The following ARHGAP18 variants were observed in gnomAD, a reference collection of about 807,000 sequenced individuals.
The protein encoded by ARHGAP18 is rho GTPase-activating protein 18.
ARHGAP18 carries 67 observed loss-of-function variants against 86.2 expected under a neutral mutation model. The ratio of observed to expected loss-of-function variants is 0.78; its 90% CI spans 0.64 to 0.95. The LOEUF is 0.95. ARHGAP18 is among the 40% of genes least tolerant of loss of function. ARHGAP18 has a pLI of 0.00. For missense variants in ARHGAP18, 691 were observed against 780.4 expected, an observed-to-expected ratio of 0.89 and a Z score of 1.37; for synonymous variants, 283 against 280.4, an observed-to-expected ratio of 1.01 and a Z score of -0.09.
intron 1 of ARHGAP18, among the ~76,000 whole-genome samples, chr6:129,668,083 A>C (rs148671373): frequency 1.3e-5 from 2 of 152,288 alleles, no homozygotes; most frequent in East Asian, 3.9e-4. Flanking sequence ...GATACCATAG[A>C]TATGTAAAGT....
intron 10 of ARHGAP18, among the ~76,000 whole-genome samples, chr6:129,603,101 A>G (rs1788781193): frequency 6.6e-6 from 1 of 151,880 alleles, no homozygotes; most frequent in Non-Finnish European, 1.5e-5. Flanking sequence ...TCACCTGGGC[A>G]GTGTATAAGC....
At chr6:129,657,665 T>C (rs1395946362) in intron 1 of ARHGAP18, among the ~76,000 whole-genome samples, 1 of 152,228 alleles carries the variant, frequency 6.6e-6, no homozygotes, top group African/African-American at 2.4e-5. Context: ...CTTCCACTTC[T>C]GAGTGCTTAT....
intron 10 of ARHGAP18, among the ~76,000 whole-genome samples, chr6:129,605,409 T>C (rs140032713): frequency 2.4e-4 from 37 of 152,288 alleles, no homozygotes; most frequent in African/African-American, 7.7e-4. Flanking sequence ...AAATCACCAT[T>C]ATGACTCACT....
Position 129,628,106 on chromosome 6 carries a change from A to G in ARHGAP18, c.786+1247T>C, listed in dbSNP as rs144801417. The stretch of plus-strand genomic sequence containing the variant: ...AACTTTTGCCTGTGTGAAATTCTGC[A>G]TAATAAATGTATTTTTTAGAAAATG... On this transcript the variant is annotated intron_variant, in intron 5 of 14. Coordinates refer to ENST00000368149, the MANE Select transcript of ARHGAP18 (RefSeq NM_033515.3). 3.4e-3 allele frequency among the ~76,000 whole-genome samples: 512 copies of G among 152,288 alleles called. 4 individuals carry two copies. The highest frequency in any genetic ancestry group is 0.012 in the African/African-American group (491 of 41,558).
At chr6:129,654,323 C>A (rs935248594) in intron 1 of ARHGAP18, among the ~76,000 whole-genome samples, 1 of 152,208 alleles carries the variant, frequency 6.6e-6, no homozygotes, top group African/African-American at 2.4e-5. Flanking sequence ...TGAGCTCCAG[C>A]AAATGCCACC....
intron 1 of ARHGAP18, among the ~76,000 whole-genome samples, chr6:129,706,251 G>A (rs947521202): frequency 3.4e-4 from 51 of 152,202 alleles, no homozygotes; most frequent in African/African-American, 1.2e-3. Flanking sequence ...ATATTAAGAA[G>A]CCTGCTTGAA....
rs1013893622 is a variant in ARHGAP18 at position 129,587,551 on chromosome 6, T to C, written c.1714-3439A>G. On this transcript the variant is annotated intron_variant, in intron 12 of 14. Coordinates refer to ENST00000368149, the MANE Select transcript of ARHGAP18 (RefSeq NM_033515.3). ...ATAGCTCCTCATGGCTAGGGAGGCC[T>C]CAGGAAACTTACAATCATGGCAGAA... Among the ~76,000 whole-genome samples, 3 of 152,148 alleles carry C rather than the reference T, an allele frequency of 2.0e-5. No homozygotes were observed. In the East Asian group the frequency reaches 5.8e-4, roughly 29 times the overall value.
chr6:129,704,627 T>C (rs555260290), intron 1 of ARHGAP18, among the ~76,000 whole-genome samples: 3 of 152,250 alleles, frequency 2.0e-5, no homozygotes, highest in Admixed American at 2.0e-4. Context: ...CTACAGGCCC[T>C]AATGTCAAAA....
chr6:129,658,495 CAAT>C (rs562386399), intron 1 of ARHGAP18, among the ~76,000 whole-genome samples: 98 of 151,280 alleles, frequency 6.5e-4, no homozygotes, highest in African/African-American at 2.2e-3. Flanking sequence ...CAGAAGGTAT[CAAT>C]GATGGCATGC....
chr6:129,579,943 C>T (rs1788252894), intron 14 of ARHGAP18, 127 bp downstream of exon 14: 1 of 805,874 alleles, frequency 1.2e-6, no homozygotes, highest in East Asian at 2.7e-5. Context: ...CCACAATATT[C>T]AGCAACTTAT....
intron 11 of ARHGAP18, 93 bp from the exon 12 acceptor site, chr6:129,599,449 C>G: frequency 8.8e-7 from 1 of 1,141,618 alleles, no homozygotes; most frequent in Non-Finnish European, 1.2e-6. Context: ...ATTTCAAAAA[C>G]AGTAAAGAGT....
intron 13 of ARHGAP18, 22 bp from the exon 14 acceptor site, chr6:129,580,153 G>A (rs763181823): frequency 1.1e-5 from 17 of 1,603,418 alleles, no homozygotes; most frequent in South Asian, 3.3e-5. Context: ...AAAACAAACC[G>A]ATTAGTTGTA....
At position 129,638,545 on chromosome 6, in the gene ARHGAP18, A is replaced by G; in HGVS notation, c.401T>C (p.Ile134Thr). Reference protein sequence around the residue: ...GESAGDPQESIVFLSTLTRTQ... With the variant: ...GESAGDPQESTVFLSTLTRTQ... The stretch of plus-strand genomic sequence containing the variant: ...CCGCGTCAATGTTGATAAAAACACA[A>G]TGCTTTCCTGTGGATCTCCAGCAGA... The change falls in exon 3 of 15, where the codon ATT (isoleucine) becomes ACT (threonine). Residue 134 changes from isoleucine (I) to threonine (T), a missense_variant. Ile to Thr is a moderately conservative substitution (Grantham distance 89, BLOSUM62 -1). Transcript: ENST00000368149. 5.6e-6 allele frequency: 9 copies of G among 1,614,128 alleles called. No homozygotes were observed. Among genetic ancestry groups the G allele is most frequent in the Non-Finnish European group, 6.8e-6 (8 of 1,180,016 alleles).
At chr6:129,595,517 G>A (rs1281262114) in intron 12 of ARHGAP18, among the ~76,000 whole-genome samples, 1 of 152,146 alleles carries the variant, frequency 6.6e-6, no homozygotes, top group Non-Finnish European at 1.5e-5. Flanking sequence ...ACATGCTGCT[G>A]TTCTCTGGAA....
intron 12 of ARHGAP18, among the ~76,000 whole-genome samples, chr6:129,597,588 C>T (rs1329138787): frequency 6.6e-6 from 1 of 152,076 alleles, no homozygotes; most frequent in African/African-American, 2.4e-5. Context: ...AGCTACATCC[C>T]TTCTATATGC....
intron 1 of ARHGAP18, among the ~76,000 whole-genome samples, chr6:129,656,668 TAA>T (rs35138531): frequency 0.029 from 4,445 of 151,332 alleles, 209 homozygotes; most frequent in African/African-American, 0.096. Flanking sequence ...AAATAAAAAA[TAA>T]AAAAAAATAT....
intron 1 of ARHGAP18, among the ~76,000 whole-genome samples, chr6:129,647,164 C>T (rs1392363261): frequency 1.3e-5 from 2 of 152,110 alleles, no homozygotes; most frequent in Admixed American, 6.5e-5. Flanking sequence ...CTTGCCAATA[C>T]TGTTAATCAT....
chr6:129,702,615 C>T (rs906463278), intron 1 of ARHGAP18, among the ~76,000 whole-genome samples: 2 of 152,176 alleles, frequency 1.3e-5, no homozygotes, highest in African/African-American at 4.8e-5. Context: ...GTGACTCCCA[C>T]TGAGACCCAC....
intron 2 of ARHGAP18, among the ~76,000 whole-genome samples, chr6:129,640,051 A>AC (rs1247574563): frequency 1.3e-5 from 2 of 150,992 alleles, no homozygotes; most frequent in African/African-American, 4.9e-5. Flanking sequence ...TCAAAAAAAA[A>AC]AAAAAAAAAA....
Sources: allele counts gnomAD v4.1 joint callset (sites outside exome capture counted in the v4.1 genomes callset), GRCh38; gene constraint gnomAD v4.1.1; transcripts MANE v1.5; gene names NCBI Gene and HGNC (gene_info 2026-07-23, HGNC 2026-07-21).